Variants in ADAMTS20 observed in about 807,000 individuals in gnomAD.
ADAMTS20 encodes the protein ADAM metallopeptidase with thrombospondin type 1 motif 20, also known as A disintegrin and metalloproteinase with thrombospondin motifs 20.
In ADAMTS20, 225 loss-of-function variants were observed where a neutral mutation model predicts 260.1. The observed-to-expected ratio is 0.87, with a 90% CI of 0.78 to 0.97. ADAMTS20 has a LOEUF of 0.97. Ranked by LOEUF, ADAMTS20 falls within the 50% of genes least tolerant of loss-of-function variation. ADAMTS20 has a pLI of 0.00. For synonymous variants in ADAMTS20, 802 were observed against 769.5 expected, an observed-to-expected ratio of 1.04 and a Z score of -0.70; for missense variants, 2,400 against 2,337.7, an observed-to-expected ratio of 1.03 and a Z score of -0.55.
chr12:43,400,790 T>C (rs1205890150), intron 28 of ADAMTS20, among the ~76,000 whole-genome samples: 3 of 151,984 alleles, frequency 2.0e-5, no homozygotes, highest in Admixed American at 2.0e-4. Context: ...ATGTACATGT[T>C]CACACATGGA....
chr12:43,504,544 T>A (rs559785192), intron 3 of ADAMTS20, among the ~76,000 whole-genome samples: 8 of 152,320 alleles, frequency 5.3e-5, no homozygotes, highest in Non-Finnish European at 7.4e-5. Flanking sequence ...AAAATATCCA[T>A]GACCAATTAC....
intron 11 of ADAMTS20, among the ~76,000 whole-genome samples, chr12:43,456,964 C>G (rs950031337): frequency 2.0e-5 from 3 of 152,098 alleles, no homozygotes. Context: ...CAAAAAGAAC[C>G]AGGAAGTTAA....
chr12:43,502,924 T>A (rs915817393), intron 3 of ADAMTS20, among the ~76,000 whole-genome samples: 8 of 152,076 alleles, frequency 5.3e-5, no homozygotes, highest in African/African-American at 1.9e-4. Context: ...TGTGGGTGAA[T>A]CTATTGAATC....
rs1051037482 is a variant in ADAMTS20 at position 43,379,656 on chromosome 12, C to T, written c.4798-2094G>A. On this transcript the variant is annotated intron_variant, in intron 31 of 38. Coordinates refer to ENST00000389420, the MANE Select transcript of ADAMTS20 (RefSeq NM_025003.5). ...GAAATTACTGTCTAGTCATAGCTGA[C>T]AACTAAACTAAGTGAGCAGAGACTT... is the stretch of plus-strand genomic sequence containing the variant. Among the ~76,000 whole-genome samples, 3 of 152,246 alleles carry T rather than the reference C, an allele frequency of 2.0e-5. No individual in the cohort carries two copies. In the East Asian group the frequency reaches 5.8e-4, roughly 29 times the overall value.
At chr12:43,432,839 G>A in intron 19 of ADAMTS20, 28 bp from the exon 20 acceptor site, 1 of 1,544,158 alleles carries the variant, frequency 6.5e-7, no homozygotes, top group South Asian at 1.1e-5. Context: ...CTATACTTAG[G>A]AGGTATATTA....
chr12:43,496,664 A>G (rs1023114518), intron 4 of ADAMTS20, among the ~76,000 whole-genome samples: 1 of 152,128 alleles, frequency 6.6e-6, no homozygotes, highest in African/African-American at 2.4e-5. Flanking sequence ...ATCCATGTTG[A>G]GGCACTGGGT....
chr12:43,396,189 G>A (rs1416865572), intron 29 of ADAMTS20, among the ~76,000 whole-genome samples: 3 of 151,894 alleles, frequency 2.0e-5, no homozygotes, highest in Admixed American at 1.3e-4. Context: ...ATTAAAATGC[G>A]TTACTAAATC....
At chr12:43,396,649 G>A (rs565399718) in intron 29 of ADAMTS20, among the ~76,000 whole-genome samples, 1 of 152,212 alleles carries the variant, frequency 6.6e-6, no homozygotes, top group African/African-American at 2.4e-5. Flanking sequence ...ATATAAAAAA[G>A]CATCTATTTT....
At chr12:43,401,742 T>TC (rs1487304880) in intron 28 of ADAMTS20, among the ~76,000 whole-genome samples, 6 of 15,972 alleles carry the variant, frequency 3.8e-4, no homozygotes, top group Non-Finnish European at 7.3e-4. Flanking sequence ...ATTTTTATGC[T>TC]TTTTTTTTTG....
chr12:43,537,894 C>G (rs1943319006), intron 2 of ADAMTS20, among the ~76,000 whole-genome samples: 1 of 152,190 alleles, frequency 6.6e-6, no homozygotes, highest in African/African-American at 2.4e-5. Context: ...ATATGTACCA[C>G]ATTCTCTTTA....
chr12:43,401,291 T>C (rs1338789098), intron 28 of ADAMTS20, among the ~76,000 whole-genome samples: 1 of 151,972 alleles, frequency 6.6e-6, no homozygotes, highest in Non-Finnish European at 1.5e-5. Context: ...CAGCTGTGTC[T>C]GTTTTGTAAA....
At chr12:43,384,091 C>T (rs1297050258) in intron 29 of ADAMTS20, 114 bp from the exon 30 acceptor site, 3 of 958,318 alleles carry the variant, frequency 3.1e-6, no homozygotes, top group African/African-American at 1.7e-5. Context: ...GGTATTAAAA[C>T]ATGAATTAGA....
chr12:43,456,681 G>A (rs1941969670), intron 11 of ADAMTS20, among the ~76,000 whole-genome samples: 1 of 152,178 alleles, frequency 6.6e-6, no homozygotes, highest in South Asian at 2.1e-4. Context: ...GGCAGGGGCA[G>A]GAGTTCTTAC....
chr12:43,388,220 G>A lies in ADAMTS20; in HGVS notation c.4453-4243C>T, dbSNP rs565334098. Among the ~76,000 whole-genome samples the A allele has an allele frequency of 7.9e-5, 12 of 152,226 alleles. No homozygotes were observed. The South Asian group carries it at 1.2e-3, about 16-fold the overall frequency. Reference sequence around the variant, plus strand: ...AGACCAGGGGAAAAGCATAGTATCCGGGCCAGATAGGACCGTCCCTCAAGG... The same window carrying A: ...AGACCAGGGGAAAAGCATAGTATCCAGGCCAGATAGGACCGTCCCTCAAGG... On this transcript the variant is annotated intron_variant, in intron 29 of 38. Transcript: ENST00000389420.
At chr12:43,425,261 G>A (rs961369701) in intron 28 of ADAMTS20, among the ~76,000 whole-genome samples, 6 of 151,980 alleles carry the variant, frequency 3.9e-5, no homozygotes, top group African/African-American at 1.2e-4. Flanking sequence ...GTTGGGGGAG[G>A]AGTGTGGGGG....
chr12:43,466,516 C>T (rs142968485), intron 9 of ADAMTS20, 136 bp downstream of exon 9: 2 of 677,634 alleles, frequency 3.0e-6, no homozygotes, highest in Admixed American at 3.0e-5. Context: ...TGTTCTTAAA[C>T]ATCCATTTGT....
intron 28 of ADAMTS20, among the ~76,000 whole-genome samples, chr12:43,414,399 A>C (rs183143763): frequency 1.1e-3 from 170 of 152,246 alleles, no homozygotes; most frequent in African/African-American, 3.8e-3. Context: ...TATTCCTGGG[A>C]TTGGATGACC....
chr12:43,501,496 CACACACAT>C (rs1942765884), intron 4 of ADAMTS20, among the ~76,000 whole-genome samples: 1 of 151,428 alleles, frequency 6.6e-6, no homozygotes, highest in African/African-American at 2.4e-5. Flanking sequence ...CACACACACA[CACACACAT>C]GTAAGGATGA....
intron 28 of ADAMTS20, among the ~76,000 whole-genome samples, chr12:43,400,515 C>T (rs948712589): frequency 1.3e-5 from 2 of 151,840 alleles, no homozygotes; most frequent in African/African-American, 2.4e-5. Context: ...ACAGCCATTC[C>T]ATGCTGCTTA....
Sources: allele counts gnomAD v4.1 joint callset (sites outside exome capture counted in the v4.1 genomes callset), GRCh38; gene constraint gnomAD v4.1.1; transcripts MANE v1.5; gene names NCBI Gene and HGNC (gene_info 2026-07-23, HGNC 2026-07-21).